The following EYA1 variants were observed in gnomAD, a reference collection of about 807,000 sequenced individuals.
EYA1 encodes protein phosphatase EYA1.
Under a neutral mutation model 82.0 loss-of-function variants are expected in EYA1, and 16 were observed. The ratio of observed to expected loss-of-function variants is 0.20; its 90% CI spans 0.13 to 0.30. The LOEUF (loss-of-function observed/expected upper bound fraction) is 0.30. EYA1 is among the 10% of genes least tolerant of loss of function. The pLI is 1.00. For missense variants in EYA1, 633 were observed against 730.7 expected (o/e 0.87, Z 1.54); for synonymous variants, 261 against 264.4 (o/e 0.99, Z 0.12).
At chr8:71,516,278 G>A (rs924738239) in intron 2 of EYA1, among the ~76,000 whole-genome samples, 11 of 152,080 alleles carry the variant, frequency 7.2e-5, no homozygotes, top group African/African-American at 2.4e-4. Context: ...AACAGGATAG[G>A]GTATTCCTCT....
At chr8:71,236,451 C>T (rs186074057) in intron 12 of EYA1, among the ~76,000 whole-genome samples, 1 of 152,116 alleles carries the variant, frequency 6.6e-6, no homozygotes, top group Non-Finnish European at 1.5e-5. Context: ...AATACCTTCC[C>T]TATATACAAT....
At chr8:71,544,515 T>C (rs568075377) in intron 1 of EYA1, among the ~76,000 whole-genome samples, 155 of 152,286 alleles carry the variant, frequency 1.0e-3, no homozygotes, top group African/African-American at 3.5e-3. Flanking sequence ...TAAGCTGAAA[T>C]AGAATCATCA....
At chr8:71,502,009 G>T (rs1041729846) in intron 2 of EYA1, among the ~76,000 whole-genome samples, 7 of 152,112 alleles carry the variant, frequency 4.6e-5, no homozygotes, top group Non-Finnish European at 1.5e-5. Context: ...CATTTTATGA[G>T]ATATGCATGT....
chr8:71,215,293 G>T (rs1809040212), intron 16 of EYA1, 94 bp downstream of exon 16: 2 of 1,189,912 alleles, frequency 1.7e-6, no homozygotes, highest in South Asian at 1.3e-5. Flanking sequence ...GACCTATGTA[G>T]CATTCTGGAA....
chr8:71,376,925 C>T (rs183715385), intron 2 of EYA1, among the ~76,000 whole-genome samples: 1 of 152,232 alleles, frequency 6.6e-6, no homozygotes, highest in African/African-American at 2.4e-5. Flanking sequence ...CTGTCATTTC[C>T]GTATGCTATG....
At position 71,216,599 on chromosome 8, in the gene EYA1, T is replaced by A. The variant is rs912082577; in HGVS notation, c.1360+93A>T. The A allele has an allele frequency of 3.7e-5, 48 of 1,281,396 alleles. No individual in the cohort carries two copies. The South Asian group carries it at 5.7e-4, about 15-fold the overall frequency. The allele number at this position is 1,281,396 out of a possible 1,614,324, so 79.4% of individuals were successfully genotyped here. A position where few individuals can be genotyped will look rare whatever the true frequency, so the allele number is the denominator to read the frequency against. ...GAAACTGCCCAAATAGAAGCTATTATATTCAAAGCAGTGTGACACAAAAGT... is the reference window on the plus strand; with the variant it reads ...GAAACTGCCCAAATAGAAGCTATTAAATTCAAAGCAGTGTGACACAAAAGT... On this transcript the variant is annotated intron_variant, in intron 14 of 17. Coordinates refer to ENST00000340726, the MANE Select transcript of EYA1 (RefSeq NM_000503.6).
At chr8:71,485,046 G>A (rs1331364745) in intron 2 of EYA1, among the ~76,000 whole-genome samples, 2 of 152,204 alleles carry the variant, frequency 1.3e-5, no homozygotes, top group African/African-American at 4.8e-5. Context: ...AGAGTCCAAG[G>A]ACAAAAACTC....
chr8:71,404,127 T>G (rs972769048), intron 2 of EYA1: 3 of 152,212 alleles, frequency 2.0e-5, no homozygotes, highest in African/African-American at 7.2e-5. Context: ...CGAACATATT[T>G]CATCCCTACT....
At chr8:71,242,129 C>G (rs931827838) in intron 12 of EYA1, among the ~76,000 whole-genome samples, 2 of 152,228 alleles carry the variant, frequency 1.3e-5, no homozygotes, top group African/African-American at 4.8e-5. Flanking sequence ...TTGCTTGAAC[C>G]TGGGAGGCAG....
chr8:71,397,575 T>A (rs927707401), intron 2 of EYA1, among the ~76,000 whole-genome samples: 1 of 152,254 alleles, frequency 6.6e-6, no homozygotes, highest in Admixed American at 6.5e-5. Flanking sequence ...TATGAAATTC[T>A]GGGTTGAAAA....
intron 11 of EYA1, among the ~76,000 whole-genome samples, chr8:71,263,432 A>G (rs1227597414): frequency 3.9e-5 from 6 of 152,218 alleles, no homozygotes; most frequent in African/African-American, 1.4e-4. Flanking sequence ...CTAGACAACT[A>G]AACAAGAGAC....
intron 2 of EYA1, among the ~76,000 whole-genome samples, chr8:71,448,451 CCT>C (rs1422377144): frequency 6.6e-6 from 1 of 151,960 alleles, no homozygotes; most frequent in Non-Finnish European, 1.5e-5. Context: ...TATTTCTCTT[CCT>C]ATTTCCACTA....
intron 16 of EYA1, among the ~76,000 whole-genome samples, chr8:71,213,945 G>C (rs1036873641): frequency 6.6e-6 from 1 of 152,194 alleles, no homozygotes; most frequent in Non-Finnish European, 1.5e-5. Context: ...TGATGAGCAA[G>C]AGAGACAAAC....
At chr8:71,400,009 T>A (rs1223179683) in intron 2 of EYA1, among the ~76,000 whole-genome samples, 1 of 152,122 alleles carries the variant, frequency 6.6e-6, no homozygotes, top group East Asian at 1.9e-4. Flanking sequence ...TCTACATGCA[T>A]CTGTCTTCAA....
intron 2 of EYA1, among the ~76,000 whole-genome samples, chr8:71,376,096 C>T (rs981179308): frequency 1.3e-5 from 2 of 152,090 alleles, no homozygotes; most frequent in South Asian, 4.1e-4. Flanking sequence ...GGGCTGTGTA[C>T]GAAGCAGTGA....
At chr8:71,305,947 G>T (rs1900075) in intron 7 of EYA1, among the ~76,000 whole-genome samples, 3 of 152,008 alleles carry the variant, frequency 2.0e-5, no homozygotes, top group Non-Finnish European at 4.4e-5. Context: ...CTTTATAGGT[G>T]CAACTCTAGA....
intron 11 of EYA1, among the ~76,000 whole-genome samples, chr8:71,266,125 G>C (rs1036654668): frequency 6.6e-6 from 1 of 152,168 alleles, no homozygotes; most frequent in Admixed American, 6.5e-5. Context: ...CTGTGACTAA[G>C]CTACTTCTCA....
At chr8:71,451,949 C>G (rs1352884854) in intron 2 of EYA1, among the ~76,000 whole-genome samples, 1 of 152,306 alleles carries the variant, frequency 6.6e-6, no homozygotes, top group East Asian at 1.9e-4. Flanking sequence ...GCCCACCGAG[C>G]TTGAGCCAAA....
intron 3 of EYA1, among the ~76,000 whole-genome samples, chr8:71,348,298 G>A (rs1250458597): frequency 6.6e-6 from 1 of 152,130 alleles, no homozygotes; most frequent in Admixed American, 6.5e-5. Flanking sequence ...TTACTTAAAA[G>A]CAGGGAATCT....
Sources: allele counts gnomAD v4.1 joint callset (sites outside exome capture counted in the v4.1 genomes callset), GRCh38; gene constraint gnomAD v4.1.1; transcripts MANE v1.5; gene names NCBI Gene and HGNC (gene_info 2026-07-23, HGNC 2026-07-21).